HAO1: variants seen among roughly 807,000 people sequenced by gnomAD.
HAO1 encodes hydroxyacid oxidase 1.
In HAO1, 34 loss-of-function variants were observed where a neutral mutation model predicts 39.7. The ratio of observed to expected loss-of-function variants is 0.86; its 90% CI spans 0.65 to 1.14. HAO1 has a LOEUF of 1.14. HAO1 is among the 50% of genes most tolerant of loss of function. The probability of loss-of-function intolerance (pLI) is 0.00; values close to 1 mark genes in which losing one functional copy is unlikely to be tolerated. For synonymous variants in HAO1, 172 were observed against 173.2 expected (o/e 0.99, Z 0.05); for missense variants, 479 against 464.5 (o/e 1.03, Z -0.29).
intron 5 of HAO1, among the ~76,000 whole-genome samples, chr20:7,887,336 T>C (rs1203204452): frequency 6.6e-6 from 1 of 152,164 alleles, no homozygotes; most frequent in East Asian, 1.9e-4. Flanking sequence ...CCAGAAATAA[T>C]TGTGCTGAAA....
In HAO1 at chr20:7,883,287, A is replaced by C; in HGVS notation, c.*306T>G. 2.8e-6 allele frequency: 1 copy of C among 354,174 alleles called. No individual in the cohort carries two copies. Among genetic ancestry groups the C allele is most frequent in the East Asian group, 5.1e-5 (1 of 19,706 alleles). 21.9% of individuals were successfully genotyped at this position (354,174 alleles called of 1,614,324 possible). A position where few individuals can be genotyped will look rare whatever the true frequency, so the allele number is the denominator to read the frequency against. On this transcript the variant is annotated 3_prime_UTR_variant, in exon 8 of 8. Transcript: ENST00000378789. Reference sequence around the variant, plus strand: ...CTTAGTGTTTGCTACCTCCAATTTTACTAAAGGATACAGCACTTTAGCCTG... The same window carrying C: ...CTTAGTGTTTGCTACCTCCAATTTTCCTAAAGGATACAGCACTTTAGCCTG...
At chr20:7,920,378 A>G (rs1358877349) in intron 2 of HAO1, among the ~76,000 whole-genome samples, 1 of 152,108 alleles carries the variant, frequency 6.6e-6, no homozygotes, top group Non-Finnish European at 1.5e-5. Flanking sequence ...TCCTTATAGC[A>G]GTGTGAAAGT....
chr20:7,884,279 G>A (rs1291349258), intron 7 of HAO1, among the ~76,000 whole-genome samples: 1 of 152,112 alleles, frequency 6.6e-6, no homozygotes, highest in Non-Finnish European at 1.5e-5. Context: ...TGAAAATACT[G>A]CAATCAAGAC....
At chr20:7,920,110 G>A (rs2050324113) in intron 2 of HAO1, among the ~76,000 whole-genome samples, 1 of 152,040 alleles carries the variant, frequency 6.6e-6, no homozygotes, top group African/African-American at 2.4e-5. Context: ...TGTGTTGAGG[G>A]AAAGAGGTGA....
intron 2 of HAO1, among the ~76,000 whole-genome samples, chr20:7,931,945 G>T (rs553314136): frequency 6.6e-6 from 1 of 152,316 alleles, no homozygotes; most frequent in East Asian, 1.9e-4. Context: ...AAAGCAATAT[G>T]TGTTGGTATG....
chr20:7,917,646 G>A (rs2122781129), intron 2 of HAO1, among the ~76,000 whole-genome samples: 1 of 152,268 alleles, frequency 6.6e-6, no homozygotes, highest in South Asian at 2.1e-4. Context: ...GGTGCAGAGT[G>A]TGGATGCACA....
chr20:7,903,952 T>C (rs1195456429), intron 4 of HAO1, among the ~76,000 whole-genome samples: 1 of 152,016 alleles, frequency 6.6e-6, no homozygotes, highest in African/African-American at 2.4e-5. Flanking sequence ...GAAACCAAAA[T>C]ATTTTTCAAC....
intron 2 of HAO1, among the ~76,000 whole-genome samples, chr20:7,927,947 G>C (rs1421928046): frequency 1.3e-5 from 2 of 152,120 alleles, no homozygotes; most frequent in Non-Finnish European, 2.9e-5. Flanking sequence ...GTTTCTCAGG[G>C]TTTTGCACTC....
chr20:7,922,784 T>C (rs2122786547), intron 2 of HAO1, among the ~76,000 whole-genome samples: 1 of 152,210 alleles, frequency 6.6e-6, no homozygotes, highest in East Asian at 1.9e-4. Context: ...AATTGTAAAG[T>C]TCCCAGTGTA....
At chr20:7,919,163 G>A (rs1395954070) in intron 2 of HAO1, among the ~76,000 whole-genome samples, 1 of 152,098 alleles carries the variant, frequency 6.6e-6, no homozygotes, top group Non-Finnish European at 1.5e-5. Context: ...TAAAAATCTT[G>A]GCTTTTGTAA....
intron 4 of HAO1, among the ~76,000 whole-genome samples, chr20:7,896,942 T>C (rs2050200590): frequency 6.6e-6 from 1 of 152,204 alleles, no homozygotes; most frequent in Non-Finnish European, 1.5e-5. Flanking sequence ...GAGTTGAATA[T>C]CTTGTAGTCT....
chr20:7,927,615 T>C (rs996574869), intron 2 of HAO1, among the ~76,000 whole-genome samples: 1 of 152,200 alleles, frequency 6.6e-6, no homozygotes, highest in African/African-American at 2.4e-5. Flanking sequence ...TTATCTTTTG[T>C]TTGATTGTAA....
At chr20:7,936,960 C>A (rs1415462052) in intron 1 of HAO1, among the ~76,000 whole-genome samples, 2 of 152,110 alleles carry the variant, frequency 1.3e-5, no homozygotes, top group African/African-American at 4.8e-5. Context: ...TAGCACCTCA[C>A]TATATTCTCG....
chr20:7,914,517 A>G (rs1402007710), intron 2 of HAO1, 98 bp from the exon 3 acceptor site: 13 of 1,306,280 alleles, frequency 1.0e-5, no homozygotes, highest in African/African-American at 1.5e-5. Flanking sequence ...TAGAAGGGCA[A>G]TTTGGCAATA....
chr20:7,921,805 C>A (rs2050334365), intron 2 of HAO1, among the ~76,000 whole-genome samples: 1 of 152,060 alleles, frequency 6.6e-6, no homozygotes, highest in Admixed American at 6.6e-5. Context: ...TCCTTTGCAC[C>A]AACATGGATG....
intron 2 of HAO1, among the ~76,000 whole-genome samples, chr20:7,920,242 C>A (rs1032156481): frequency 6.6e-6 from 1 of 152,070 alleles, no homozygotes; most frequent in East Asian, 1.9e-4. Context: ...CTCTTACCTG[C>A]CACCATGTAA....
chr20:7,939,623 A>C (rs2050431578), intron 1 of HAO1, among the ~76,000 whole-genome samples: 1 of 152,132 alleles, frequency 6.6e-6, no homozygotes, highest in Non-Finnish European at 1.5e-5. Context: ...ATAAAAAAAA[A>C]CCCTTTGAAA....
chr20:7,914,856 C>G (rs190555125), intron 2 of HAO1, among the ~76,000 whole-genome samples: 17 of 152,290 alleles, frequency 1.1e-4, no homozygotes, highest in Admixed American at 1.0e-3. Flanking sequence ...CAGTGGCTCA[C>G]GCCTGTAATC....
intron 5 of HAO1, among the ~76,000 whole-genome samples, chr20:7,888,086 A>G (rs2050158403): frequency 6.6e-6 from 1 of 152,102 alleles, no homozygotes; most frequent in Admixed American, 6.6e-5. Context: ...TTCTTCGGGC[A>G]AGTAATTGTG....
Sources: gnomAD v4.1 joint callset for allele counts (sites outside exome capture counted in the v4.1 genomes callset) on GRCh38, gnomAD v4.1.1 for gene constraint, MANE v1.5 for transcripts, NCBI Gene and HGNC (gene_info 2026-07-23, HGNC 2026-07-21) for gene names.